The following GABBR2 variants were observed in gnomAD, a reference collection of about 807,000 sequenced individuals.
GABBR2 encodes G-protein coupled receptor 51.
Under a neutral mutation model 105.6 loss-of-function variants are expected in GABBR2, and 23 were observed. The ratio of observed to expected loss-of-function variants is 0.22; its 90% confidence interval spans 0.16 to 0.31. The LOEUF (loss-of-function observed/expected upper bound fraction) is 0.31, where lower values mean the gene tolerates loss of function less well. Among genes scored for constraint, GABBR2 ranks in the 10% least tolerant of loss-of-function variants. The pLI, the probability that GABBR2 is intolerant of heterozygous loss-of-function variation, is 1.00. For missense variants in GABBR2, 734 were observed against 1,245.5 expected (o/e 0.59, Z 6.18); for synonymous variants, 478 against 499.7 (o/e 0.96, Z 0.58).
At chr9:98,295,215 G>C (rs896861675) in intron 17 of GABBR2, among the ~76,000 whole-genome samples, 1 of 152,208 alleles carries the variant, frequency 6.6e-6, no homozygotes, top group Non-Finnish European at 1.5e-5. Context: ...GTTGCATGAT[G>C]CACGTGTTCC....
At chr9:98,586,429 AG>A (rs1829078258) in intron 1 of GABBR2, among the ~76,000 whole-genome samples, 1 of 152,030 alleles carries the variant, frequency 6.6e-6, no homozygotes, top group Admixed American at 6.6e-5. Context: ...CCTCTTGAGT[AG>A]ATGGGATCAC....
intron 8 of GABBR2, among the ~76,000 whole-genome samples, chr9:98,398,005 C>G (rs567116949): frequency 2.8e-4 from 43 of 152,312 alleles, no homozygotes; most frequent in South Asian, 1.0e-3. Context: ...ATGATAGGCA[C>G]ACAGCCCTCT....
chr9:98,607,002 C>G (rs1241233844), intron 1 of GABBR2: 4 of 938,222 alleles, frequency 4.3e-6, no homozygotes, highest in Non-Finnish European at 7.0e-6. Context: ...CTCGGTAGCT[C>G]AACAGAAGAC....
At chr9:98,665,217 C>T (rs1369883779) in intron 1 of GABBR2, among the ~76,000 whole-genome samples, 1 of 151,976 alleles carries the variant, frequency 6.6e-6, no homozygotes, top group Non-Finnish European at 1.5e-5. Flanking sequence ...TGCAGTGAAC[C>T]ATGATCGTTC....
intron 7 of GABBR2, among the ~76,000 whole-genome samples, chr9:98,407,576 T>G (rs1832513669): frequency 6.6e-6 from 1 of 152,206 alleles, no homozygotes; most frequent in South Asian, 2.1e-4. Flanking sequence ...AAAGGATCAT[T>G]TCTATGTAAA....
At chr9:98,472,590 T>G (rs748536369) in intron 6 of GABBR2, among the ~76,000 whole-genome samples, 1 of 152,180 alleles carries the variant, frequency 6.6e-6, no homozygotes, top group Non-Finnish European at 1.5e-5. Flanking sequence ...AGGGACATCC[T>G]AAGATCACAA....
intron 1 of GABBR2, among the ~76,000 whole-genome samples, chr9:98,703,691 T>C (rs907977455): frequency 6.6e-6 from 1 of 152,058 alleles, no homozygotes; most frequent in South Asian, 2.1e-4. Context: ...AGGGTCTCCC[T>C]ATGTTGCTCA....
intron 4 of GABBR2, among the ~76,000 whole-genome samples, chr9:98,488,999 A>G (rs1316811643): frequency 6.6e-6 from 1 of 152,216 alleles, no homozygotes; most frequent in African/African-American, 2.4e-5. Flanking sequence ...AACAATTTCT[A>G]TAAAGGTCCA....
Position 98,501,151 on chromosome 9 carries a change from T to G in GABBR2, c.631-4637A>C, listed in dbSNP as rs1352057108. 1.5e-4 allele frequency among the ~76,000 whole-genome samples: 4 copies of G among 27,370 alleles called. No homozygotes were observed. The Admixed American group carries it at 1.8e-3, about 12-fold the overall frequency. 18.0% of individuals were successfully genotyped at this position (27,370 alleles called of 152,430 possible). On this transcript the variant is annotated intron_variant, in intron 3 of 18. Transcript: ENST00000259455. ...CCCCCCCCCCTTCCCCGCCCCCTGC[T>G]CCTTTTTTTTTTAATTAATTAATTT...
At chr9:98,606,044 T>G (rs1262163195) in intron 1 of GABBR2, among the ~76,000 whole-genome samples, 1 of 152,152 alleles carries the variant, frequency 6.6e-6, no homozygotes, top group Non-Finnish European at 1.5e-5. Context: ...TTGTCCTTGC[T>G]ATAGTTTGCT....
chr9:98,626,933 G>A (rs1192980169), intron 1 of GABBR2, among the ~76,000 whole-genome samples: 1 of 152,172 alleles, frequency 6.6e-6, no homozygotes, highest in Non-Finnish European at 1.5e-5. Context: ...AGACACCATT[G>A]ACATCATCCT....
At chr9:98,535,112 C>G (rs896273481) in intron 3 of GABBR2, among the ~76,000 whole-genome samples, 1 of 151,992 alleles carries the variant, frequency 6.6e-6, no homozygotes, top group Non-Finnish European at 1.5e-5. Context: ...CAGGGGGGCA[C>G]CGGGGGAACA....
rs1054520381 is a variant in GABBR2, at chr9:98,316,045, G to A, written c.1894-4840C>T. Among the ~76,000 whole-genome samples, 5 of 152,276 alleles carry A rather than the reference G, an allele frequency of 3.3e-5. 1 individual carries two copies. The South Asian group carries it at 1.0e-3, about 31-fold the overall frequency. ...CTGACCCCTGCAGACATCAGGGTCA[G>A]GGCCTAAGCCCGGGCTTCGGCCTCT... On this transcript the variant is annotated intron_variant, in intron 13 of 18. Transcript: ENST00000259455.
chr9:98,649,169 A>T (rs541472373), intron 1 of GABBR2, among the ~76,000 whole-genome samples: 1 of 152,266 alleles, frequency 6.6e-6, no homozygotes, highest in Non-Finnish European at 1.5e-5. Flanking sequence ...ATTTGATTTA[A>T]ATCTAACTGA....
At chr9:98,346,862 A>G (rs1831312013) in intron 13 of GABBR2, among the ~76,000 whole-genome samples, 1 of 152,154 alleles carries the variant, frequency 6.6e-6, no homozygotes, top group South Asian at 2.1e-4. Context: ...TATTTCACTT[A>G]ACATAATATC....
Position 98,409,671 on chromosome 9 carries a change from C to T in GABBR2, c.1237-3530G>A, listed in dbSNP as rs200095431. Among the ~76,000 whole-genome samples, 8 of 152,324 alleles carry T rather than the reference C, an allele frequency of 5.3e-5. No homozygotes were observed. In the East Asian group the frequency reaches 1.5e-3, roughly 29 times the overall value. On this transcript the variant is annotated intron_variant, in intron 7 of 18. Coordinates refer to ENST00000259455, the MANE Select transcript of GABBR2 (RefSeq NM_005458.8). ...GTTATGCCCCCTCCCTGGGGGCAAC[C>T]TGCAGCTAGCAGTCAGTGTGAAGGG...
intron 7 of GABBR2, among the ~76,000 whole-genome samples, chr9:98,440,379 TA>T (rs1348274025): frequency 2.6e-5 from 4 of 152,210 alleles, no homozygotes; most frequent in Non-Finnish European, 4.4e-5. Context: ...TGCTCAAGTT[TA>T]CCTGGCTAGC....
At chr9:98,499,799 C>T (rs1827364633) in intron 3 of GABBR2, among the ~76,000 whole-genome samples, 1 of 152,216 alleles carries the variant, frequency 6.6e-6, no homozygotes, top group East Asian at 1.9e-4. Context: ...CGCCTGTAAT[C>T]CCAGCACTTT....
intron 7 of GABBR2, among the ~76,000 whole-genome samples, chr9:98,449,232 C>T (rs1316767231): frequency 1.3e-5 from 2 of 152,002 alleles, no homozygotes; most frequent in African/African-American, 2.4e-5. Context: ...CTCCCCTAAG[C>T]GAAACCGTCT....
Sources: gnomAD v4.1 joint callset for allele counts (sites outside exome capture counted in the v4.1 genomes callset) on GRCh38, gnomAD v4.1.1 for gene constraint, MANE v1.5 for transcripts, NCBI Gene and HGNC (gene_info 2026-07-23, HGNC 2026-07-21) for gene names.